Variants in KCNH1 observed in about 807,000 individuals in gnomAD.
KCNH1 encodes voltage-gated delayed rectifier potassium channel KCNH1.
In KCNH1, 27 loss-of-function variants were observed where a neutral mutation model predicts 69.2. The ratio of observed to expected loss-of-function variants is 0.39; its 90% CI spans 0.29 to 0.54. The LOEUF (loss-of-function observed/expected upper bound fraction) is 0.54. Among genes scored for constraint, KCNH1 ranks in the 20% least tolerant of loss-of-function variants. The pLI is 0.68. For synonymous variants in KCNH1, 456 were observed against 487.7 expected, an observed-to-expected ratio of 0.93 and a Z score of 0.86; for missense variants, 798 against 1,261.6, an observed-to-expected ratio of 0.63 and a Z score of 5.57.
At chr1:211,053,589 T>C (rs1235060704) in intron 5 of KCNH1, among the ~76,000 whole-genome samples, 1 of 152,168 alleles carries the variant, frequency 6.6e-6, no homozygotes, top group Non-Finnish European at 1.5e-5. Context: ...GGGTTATCTG[T>C]AAAAAATCAG....
At chr1:210,727,370 A>G (rs751824215) in intron 10 of KCNH1, among the ~76,000 whole-genome samples, 2 of 152,120 alleles carry the variant, frequency 1.3e-5, no homozygotes, top group Non-Finnish European at 2.9e-5. Context: ...TAAAATATAT[A>G]CATATTTTGA....
chr1:210,969,035 AT>A (rs1688464402), intron 6 of KCNH1, among the ~76,000 whole-genome samples: 1 of 152,044 alleles, frequency 6.6e-6, no homozygotes, highest in Non-Finnish European at 1.5e-5. Context: ...TATACGGATT[AT>A]TTCCTTTCAT....
chr1:211,128,332 C>T (rs890338213), intron 1 of KCNH1, among the ~76,000 whole-genome samples: 2 of 150,366 alleles, frequency 1.3e-5, no homozygotes, highest in Non-Finnish European at 3.0e-5. Flanking sequence ...GCAGTACATG[C>T]AACAACATAG....
chr1:210,900,499 G>A (rs1270319432), intron 7 of KCNH1, among the ~76,000 whole-genome samples: 2 of 152,240 alleles, frequency 1.3e-5, no homozygotes, highest in African/African-American at 4.8e-5. Context: ...AGGGAAGGCT[G>A]TGGGAGGTGT....
At position 210,837,894 on chromosome 1, in the gene KCNH1, T is replaced by C. The variant is rs190567816; in HGVS notation, c.1463-33728A>G. Reference sequence around the variant, plus strand: ...TGCAACTAATAAATGCTAGGTATCATTGTTGTTATTTTATGAAAATGCTTT... The same window carrying C: ...TGCAACTAATAAATGCTAGGTATCACTGTTGTTATTTTATGAAAATGCTTT... On this transcript the variant is annotated intron_variant, in intron 7 of 10. Coordinates refer to ENST00000271751, the MANE Select transcript of KCNH1 (RefSeq NM_172362.3). 1.1e-3 allele frequency among the ~76,000 whole-genome samples: 164 copies of C among 152,332 alleles called. 1 individual carries two copies. Among genetic ancestry groups the C allele is most frequent in the African/African-American group, 3.9e-3 (161 of 41,576 alleles).
intron 7 of KCNH1, among the ~76,000 whole-genome samples, chr1:210,844,853 A>C (rs1685502235): frequency 6.6e-6 from 1 of 152,234 alleles, no homozygotes; most frequent in African/African-American, 2.4e-5. Context: ...AGAAGAAAAA[A>C]GAGAAGAATC....
chr1:211,036,270 T>C (rs771418885), intron 5 of KCNH1, among the ~76,000 whole-genome samples: 6 of 152,182 alleles, frequency 3.9e-5, no homozygotes, highest in Non-Finnish European at 8.8e-5. Context: ...TGGCAACTCA[T>C]TGTCCAGATG....
chr1:211,034,693 T>C (rs556370050), intron 5 of KCNH1, among the ~76,000 whole-genome samples: 66 of 152,272 alleles, frequency 4.3e-4, no homozygotes, highest in African/African-American at 1.4e-3. Flanking sequence ...GAATTACAAA[T>C]ATTTTTAAGG....
chr1:210,925,312 G>A (rs186725571), intron 6 of KCNH1, among the ~76,000 whole-genome samples: 1 of 152,252 alleles, frequency 6.6e-6, no homozygotes, highest in Non-Finnish European at 1.5e-5. Context: ...GGAGACTCAT[G>A]CTGTGAACTT....
chr1:211,052,175 C>T (rs1261583211), intron 5 of KCNH1, among the ~76,000 whole-genome samples: 1 of 152,172 alleles, frequency 6.6e-6, no homozygotes, highest in Non-Finnish European at 1.5e-5. Flanking sequence ...AGAGAATACC[C>T]TTCCACAAAA....
At chr1:211,077,772 A>T (rs11119677) in intron 5 of KCNH1, among the ~76,000 whole-genome samples, 113,900 of 151,992 alleles carry the variant, frequency 0.75, 43,282 homozygotes, top group Non-Finnish European at 0.81. Context: ...TAACCTTAAA[A>T]GTAAATGGGC....
intron 10 of KCNH1, among the ~76,000 whole-genome samples, chr1:210,774,253 C>T (rs757634995): frequency 5.9e-5 from 9 of 152,094 alleles, no homozygotes; most frequent in Non-Finnish European, 5.9e-5. Context: ...AGGGCAGACA[C>T]GAGGCAGGAA....
intron 9 of KCNH1, among the ~76,000 whole-genome samples, chr1:210,781,824 T>C (rs1179096274): frequency 6.6e-6 from 1 of 152,250 alleles, no homozygotes; most frequent in African/African-American, 2.4e-5. Context: ...TCTTTCAGTA[T>C]GAGTTTCGGG....
chr1:210,806,836 A>AAAAAATATAT (rs1553346591), intron 7 of KCNH1, among the ~76,000 whole-genome samples: 1 of 85,688 alleles, frequency 1.2e-5, no homozygotes, highest in Non-Finnish European at 2.2e-5. Flanking sequence ...AAAAAAAAAA[A>AAAAAATATAT]ATATATATAT....
rs79005783 is a variant in KCNH1 at position 211,049,901 on chromosome 1, C to T, written c.559-30645G>A. ...CCCATCTCTCAGGAGTATCAGCTGT[C>T]ATCTCCCTGGACAGTGGCAGCAGAA... On this transcript the variant is annotated intron_variant, in intron 5 of 10. Transcript: ENST00000271751. Among the ~76,000 whole-genome samples the T allele has an allele frequency of 5.0e-4, 76 of 152,264 alleles. No individual in the cohort carries two copies. The East Asian group carries it at 0.014, about 29-fold the overall frequency.
intron 5 of KCNH1, among the ~76,000 whole-genome samples, chr1:211,057,557 C>T (rs1199617816): frequency 4.6e-5 from 7 of 151,734 alleles, no homozygotes; most frequent in Admixed American, 6.6e-5. Context: ...GAGGATCGCT[C>T]GAGCCCAGGA....
In KCNH1 at chr1:210,716,287, C is replaced by G. The variant is rs183345157; in HGVS notation, c.2113-32149G>C. Reference sequence around the variant, plus strand: ...TCTCTACTAAAAATACAAAAATTAGCTGAGCATGGTGGTGGGCATCTGTAA... The same window carrying G: ...TCTCTACTAAAAATACAAAAATTAGGTGAGCATGGTGGTGGGCATCTGTAA... On this transcript the variant is annotated intron_variant, in intron 10 of 10. Transcript: ENST00000271751. Among the ~76,000 whole-genome samples the G allele has an allele frequency of 2.9e-3, 439 of 152,074 alleles. 1 individual carries two copies. Among genetic ancestry groups the G allele is most frequent in the African/African-American group, 0.01 (417 of 41,464 alleles).
chr1:211,073,154 G>C (rs1690677371), intron 5 of KCNH1, among the ~76,000 whole-genome samples: 1 of 152,100 alleles, frequency 6.6e-6, no homozygotes, highest in African/African-American at 2.4e-5. Flanking sequence ...AATGATAAAA[G>C]AGTCAATTCT....
intron 6 of KCNH1, among the ~76,000 whole-genome samples, chr1:210,947,507 G>A (rs1479992964): frequency 2.0e-5 from 3 of 151,548 alleles, no homozygotes; most frequent in Admixed American, 6.6e-5. Context: ...CCTGGGGGGC[G>A]GAGCTTGCAG....
Sources: allele counts gnomAD v4.1 joint callset (sites outside exome capture counted in the v4.1 genomes callset), GRCh38; gene constraint gnomAD v4.1.1; transcripts MANE v1.5; gene names NCBI Gene and HGNC (gene_info 2026-07-23, HGNC 2026-07-21).